SLC2A11: variants seen among roughly 807,000 people sequenced by gnomAD.
The protein encoded by SLC2A11 is solute carrier family 2, facilitated glucose transporter member 11.
In SLC2A11, 43 loss-of-function variants were observed where a neutral mutation model predicts 52.1. The ratio of observed to expected loss-of-function variants is 0.82; its 90% CI spans 0.65 to 1.06. The LOEUF is 1.06. Among genes scored for constraint, SLC2A11 ranks in the 50% least tolerant of loss-of-function variants. The pLI, the probability that SLC2A11 is intolerant of heterozygous loss-of-function variation, is 0.00. For synonymous variants in SLC2A11, 261 were observed against 277.6 expected (o/e 0.94, Z 0.59); for missense variants, 582 against 654.2 (o/e 0.89, Z 1.20).
intron 2 of SLC2A11, 107 bp downstream of exon 2, chr22:23,862,309 C>T (rs2032099926): frequency 6.8e-6 from 7 of 1,023,216 alleles, no homozygotes; most frequent in Non-Finnish European, 1.1e-5. Context: ...CACTTTCTGC[C>T]ACAAGTTTGT....
At chr22:23,857,288 G>T (rs542156874), upstream of SLC2A11, 2,050 of 843,408 alleles carry the variant, frequency 2.4e-3, 13 homozygotes, top group Middle Eastern at 4.9e-3. Context: ...GGAGGGGGAC[G>T]AGGGGCCAGA....
At chr22:23,876,998 G>T (rs763194664) in intron 4 of SLC2A11, 44 bp from the exon 5 acceptor site, 2 of 1,613,056 alleles carry the variant, frequency 1.2e-6, no homozygotes, top group Non-Finnish European at 1.7e-6. Context: ...TGGAGTGGGG[G>T]TCCCAGCTGG....
intron 2 of SLC2A11, among the ~76,000 whole-genome samples, chr22:23,864,383 G>A (rs1023410497): frequency 2.0e-5 from 3 of 152,148 alleles, no homozygotes; most frequent in African/African-American, 2.4e-5. Context: ...GTGCGATGGC[G>A]TGATCTTGGC....
In SLC2A11 at chr22:23,883,123, G is replaced by A. The variant is rs376615591; in HGVS notation, c.993+254G>A. 399 of 511,696 alleles carry A rather than the reference G, an allele frequency of 7.8e-4. 2 individuals carry two copies. The highest frequency in any genetic ancestry group is 6.3e-3 in the East Asian group (165 of 26,172). The allele number at this position is 511,696 out of a possible 1,614,324, so 31.7% of individuals were successfully genotyped here. A position where few individuals can be genotyped will look rare whatever the true frequency, so the allele number is the denominator to read the frequency against. Reference sequence around the variant, plus strand: ...AAAAAATACAAAAAATTATCCCGGCGTGGTGGCGGGCGCCTGTAATCCCAG... The same window carrying A: ...AAAAAATACAAAAAATTATCCCGGCATGGTGGCGGGCGCCTGTAATCCCAG... On this transcript the variant is annotated intron_variant, in intron 8 of 11. Transcript: ENST00000316185.
intron 2 of SLC2A11, among the ~76,000 whole-genome samples, chr22:23,863,898 T>C (rs2146109129): frequency 6.6e-6 from 1 of 152,276 alleles, no homozygotes; most frequent in African/African-American, 2.4e-5. Context: ...CTTGAAGTTC[T>C]AGGATTACAG....
At position 23,885,536 on chromosome 22, in the gene SLC2A11, CAA is replaced by C. The variant is rs35420058; in HGVS notation, c.*706_*707del. 0.018 allele frequency: 2,077 copies of C among 118,656 alleles called. 57 individuals are homozygous for C. The highest frequency in any genetic ancestry group is 0.064 in the African/African-American group (1,963 of 30,888). The allele number at this position is 118,656 out of a possible 1,614,324, so 7.4% of individuals were successfully genotyped here. A position where few individuals can be genotyped will look rare whatever the true frequency, so the allele number is the denominator to read the frequency against. The stretch of plus-strand genomic sequence containing the variant: ...CCACATAGTAAGATCCTGTTTCTAC[CAA>C]AAAAAAAAAAAAAAAAAATTAGCTG... On this transcript the variant is annotated 3_prime_UTR_variant, in exon 12 of 12. Transcript: ENST00000316185.
At chr22:23,882,225 C>CA in intron 6 of SLC2A11, 1 of 534,792 alleles carries the variant, frequency 1.9e-6, no homozygotes, top group South Asian at 2.5e-5. Flanking sequence ...GACACAGAGA[C>CA]AGAGAGATTG....
chr22:23,857,940 G>T lies in SLC2A11; in HGVS notation c.-60G>T. On this transcript the variant is annotated 5_prime_UTR_variant, in exon 1 of 12. Transcript: ENST00000316185. ...CGCACAGGCTGCCGGCTCACCGCTT[G>T]CTAATGGCAGCCGGGGTCTCCCTGG... is the stretch of plus-strand genomic sequence containing the variant. 1.3e-6 allele frequency: 2 copies of T among 1,591,688 alleles called. No homozygotes were observed. Among genetic ancestry groups the T allele is most frequent in the Non-Finnish European group, 1.7e-6 (2 of 1,170,490 alleles).
chr22:23,883,882 G>T lies in SLC2A11; in HGVS notation c.1095+9G>T. ...TGGCCCTGTGCCTGCAGGTAGCTGG[G>T]GTGGATGAGGGCTGGGGGGTCCAGG... On this transcript the variant is annotated intron_variant, in intron 9 of 11. Transcript: ENST00000316185. 1 of 1,603,488 alleles carries T rather than the reference G, an allele frequency of 6.2e-7. No homozygotes were observed. The highest frequency in any genetic ancestry group is 8.5e-7 in the Non-Finnish European group (1 of 1,176,664).
At chr22:23,875,305 C>A in intron 4 of SLC2A11, 64 bp downstream of exon 4, 1 of 1,307,398 alleles carries the variant, frequency 7.6e-7, no homozygotes, top group Non-Finnish European at 9.9e-7. Flanking sequence ...TCATTAATTC[C>A]TTTTATTTCA....
chr22:23,857,577 A>AACCCCC (rs1568980416), upstream of SLC2A11: 2 of 1,170,952 alleles, frequency 1.7e-6, no homozygotes, highest in Non-Finnish European at 2.4e-6. Context: ...GTGACCCCAA[A>AACCCCC]CCCCCCCCCC....
rs749273611 is a variant in SLC2A11 at position 23,882,493 on chromosome 22, A to G, written c.729A>G (p.Ala243=). 1 of 1,568,156 alleles carries G rather than the reference A, an allele frequency of 6.4e-7. No individual in the cohort carries two copies. Among genetic ancestry groups the G allele is most frequent in the Non-Finnish European group, 8.6e-7 (1 of 1,159,438 alleles). ...LRRLRGSGDL[A]GELEELEEER... ...GGCTCCGGGGCTCCGGGGACTTGGC[A>G]GGGGAGCTGGAGGAGCTGGAGGAGG... Residue 243 remains alanine (A), a synonymous_variant, in exon 7 of 12, where the codon GCA becomes GCG. Transcript: ENST00000316185.
At chr22:23,880,925 T>C (rs934720331) in intron 6 of SLC2A11, 2 of 152,152 alleles carry the variant, frequency 1.3e-5, no homozygotes, top group Non-Finnish European at 2.9e-5. Flanking sequence ...AGTCCATAAG[T>C]TCACTGAGCC....
At chr22:23,863,608 GTTTTTTTTTTT>G (rs71184923) in intron 2 of SLC2A11, among the ~76,000 whole-genome samples, 2 of 86,802 alleles carry the variant, frequency 2.3e-5, no homozygotes, top group African/African-American at 4.6e-5. Context: ...TCTCTCTCTG[GTTTTTTTTTTT>G]TTTTTTTTTT....
At position 23,884,677 on chromosome 22, in the gene SLC2A11, C is replaced by G. The variant is rs762713765; in HGVS notation, c.1328C>G (p.Pro443Arg). 1.1e-5 allele frequency: 18 copies of G among 1,613,956 alleles called. No homozygotes were observed. Among genetic ancestry groups the G allele is most frequent in the Non-Finnish European group, 1.5e-5 (18 of 1,179,954 alleles). ...MEALSHFLYV[P>R]FLGVCVCGAI... ...GCCTTGTCCCACTTCCTCTATGTCC[C>G]TTTCCTTGGTGTCTGTGTCTGTGGG... The change falls in exon 12 of 12, where the codon CCT becomes CGT. Residue 443 changes from proline (P) to arginine (R), a missense_variant. Coordinates refer to ENST00000316185, the MANE Select transcript of SLC2A11 (RefSeq NM_001024939.4). This position sits in a 1 kb window ranked among gnomAD's most constrained non-coding sequence, Gnocchi z 4.3.
intron 1 of SLC2A11, among the ~76,000 whole-genome samples, chr22:23,860,497 C>T (rs943692858): frequency 1.3e-5 from 2 of 151,078 alleles, no homozygotes; most frequent in African/African-American, 2.4e-5. Flanking sequence ...AGGTCGGGTG[C>T]GGTGGCTCAC....
rs1231763026 is a variant in SLC2A11, at chr22:23,884,090, C to T, written c.1171+66C>T. The stretch of plus-strand genomic sequence containing the variant: ...AGAAGGAGTGATGGGTGCCTGGGTG[C>T]ACAGTGGGTGGGTGTGAATGCAATG... On this transcript the variant is annotated intron_variant, in intron 10 of 11. Transcript: ENST00000316185. The surrounding 1 kb of genome is among the most constrained non-coding windows in gnomAD (Gnocchi z 4.3). The T allele has an allele frequency of 6.3e-7, 1 of 1,580,450 alleles. No individual in the cohort carries two copies. Among genetic ancestry groups the T allele is most frequent in the African/African-American group, 1.4e-5 (1 of 73,476 alleles).
chr22:23,871,964 A>G (rs887153634), intron 3 of SLC2A11: 1 of 151,964 alleles, frequency 6.6e-6, no homozygotes, highest in East Asian at 1.9e-4. Context: ...TGATGAGTAC[A>G]TGGCCCTGTG....
chr22:23,880,951 G>A (rs777250621), intron 6 of SLC2A11: 9 of 151,890 alleles, frequency 5.9e-5, no homozygotes, highest in African/African-American at 1.5e-4. Context: ...TCTTTCTTCC[G>A]TGTTACTGCA....
Sources: gnomAD v4.1 joint callset for allele counts (sites outside exome capture counted in the v4.1 genomes callset) on GRCh38, gnomAD v4.1.1 for gene constraint, Gnocchi (gnomAD v3.1) non-coding constraint, MANE v1.5 for transcripts, NCBI Gene and HGNC (gene_info 2026-07-23, HGNC 2026-07-21) for gene names.